BTBD7: variants seen among roughly 807,000 people sequenced by gnomAD.
BTBD7 encodes the protein BTB domain containing 7.
BTBD7 carries 38 observed loss-of-function variants against 99.9 expected under a neutral mutation model. The ratio of observed to expected loss-of-function variants is 0.38; its 90% CI spans 0.29 to 0.50. The LOEUF is 0.50. Ranked by LOEUF, BTBD7 falls within the 20% of genes least tolerant of loss-of-function variation. BTBD7 has a pLI of 0.93. For missense variants in BTBD7, 1,170 were observed against 1,394.6 expected, an observed-to-expected ratio of 0.84 and a Z score of 2.57; for synonymous variants, 520 against 511.4, an observed-to-expected ratio of 1.02 and a Z score of -0.23.
intron 3 of BTBD7, among the ~76,000 whole-genome samples, chr14:93,283,453 TAG>T (rs2052743642): frequency 6.6e-6 from 1 of 152,246 alleles, no homozygotes; most frequent in Admixed American, 6.5e-5. Context: ...GTGCATATTT[TAG>T]AGATATCACT....
intron 3 of BTBD7, among the ~76,000 whole-genome samples, chr14:93,269,011 G>A (rs879730188): frequency 2.0e-5 from 3 of 151,914 alleles, no homozygotes; most frequent in African/African-American, 4.8e-5. Context: ...CGCCCGCCTC[G>A]GCCACCCAAA....
chr14:93,268,197 T>C (rs1029146037), intron 3 of BTBD7, among the ~76,000 whole-genome samples: 4 of 146,170 alleles, frequency 2.7e-5, no homozygotes, highest in Non-Finnish European at 5.9e-5. Flanking sequence ...TTAACTCCTC[T>C]GCATCTTTAA....
intron 1 of BTBD7, among the ~76,000 whole-genome samples, chr14:93,300,977 G>A (rs1295583951): frequency 6.6e-6 from 1 of 151,802 alleles, no homozygotes; most frequent in African/African-American, 2.4e-5. Context: ...CCTGAATTTC[G>A]CATTTTAAAC....
intron 10 of BTBD7, among the ~76,000 whole-genome samples, chr14:93,245,262 T>C (rs112901951): frequency 6.6e-6 from 1 of 152,316 alleles, no homozygotes; most frequent in African/African-American, 2.4e-5. Flanking sequence ...CTACTAGCCC[T>C]GGCTACTATG....
At chr14:93,325,337 TGACCTCAGGTGATCTGCCGACCTCA>T (rs2053318208) in intron 1 of BTBD7, among the ~76,000 whole-genome samples, 1 of 150,180 alleles carries the variant, frequency 6.7e-6, no homozygotes, top group Non-Finnish European at 1.5e-5. Context: ...CTTGAACTCC[TGACCTCAGGTGATCTGCCGACCTCA>T]GGTGATCCGC....
chr14:93,316,045 G>A (rs748896110), intron 1 of BTBD7, among the ~76,000 whole-genome samples: 12 of 149,576 alleles, frequency 8.0e-5, no homozygotes, highest in South Asian at 2.1e-4. Context: ...TCTGCCTCCC[G>A]GGTTCAAGCA....
chr14:93,297,597 T>C (rs1015201223), intron 1 of BTBD7, among the ~76,000 whole-genome samples: 1 of 152,200 alleles, frequency 6.6e-6, no homozygotes, highest in African/African-American at 2.4e-5. Flanking sequence ...GAACTAAAAT[T>C]ACCTCTATTA....
At chr14:93,307,637 T>C (rs2053087082) in intron 1 of BTBD7, among the ~76,000 whole-genome samples, 1 of 152,226 alleles carries the variant, frequency 6.6e-6, no homozygotes, top group South Asian at 2.1e-4. Context: ...ACATGTTTCA[T>C]ACTCTCATTT....
At chr14:93,275,137 C>G (rs1163313998) in intron 3 of BTBD7, among the ~76,000 whole-genome samples, 1 of 152,128 alleles carries the variant, frequency 6.6e-6, no homozygotes, top group African/African-American at 2.4e-5. Flanking sequence ...GGGATAGAAC[C>G]TACATATAAC....
At chr14:93,248,901 T>C (rs1322332950) in intron 8 of BTBD7, among the ~76,000 whole-genome samples, 1 of 152,214 alleles carries the variant, frequency 6.6e-6, no homozygotes, top group Non-Finnish European at 1.5e-5. Flanking sequence ...TAGTTTACAG[T>C]TCAAATACAA....
At chr14:93,257,429 C>T in intron 5 of BTBD7, 74 bp from the exon 6 acceptor site, 1 of 1,381,550 alleles carries the variant, frequency 7.2e-7, no homozygotes. Context: ...TTCTCTAGTA[C>T]ATACACTAAC....
Position 93,303,704 on chromosome 14 carries a change from C to T in BTBD7, c.-106-7547G>A, listed in dbSNP as rs1176780583. 2.0e-5 allele frequency among the ~76,000 whole-genome samples: 3 copies of T among 152,202 alleles called. No homozygotes were observed. The East Asian group carries it at 5.8e-4, about 29-fold the overall frequency. ...GCTGCACTGTGAAGACACAAATGGG[C>T]CTCTCCTACTCTGCCACCTTTACCC... On this transcript the variant is annotated intron_variant, in intron 1 of 10. Coordinates refer to ENST00000334746, the MANE Select transcript of BTBD7 (RefSeq NM_001002860.4).
At chr14:93,270,030 A>G (rs1595300051) in intron 3 of BTBD7, among the ~76,000 whole-genome samples, 1 of 152,214 alleles carries the variant, frequency 6.6e-6, no homozygotes, top group African/African-American at 2.4e-5. Context: ...TGAGGTTCTC[A>G]GATTGTTTCT....
At chr14:93,243,556 G>T (rs566066045) in intron 10 of BTBD7, among the ~76,000 whole-genome samples, 1 of 152,270 alleles carries the variant, frequency 6.6e-6, no homozygotes, top group Non-Finnish European at 1.5e-5. Flanking sequence ...CCAACCTTTT[G>T]AACAGAGATA....
In BTBD7 at chr14:93,246,502, G is replaced by T. The variant is rs573445752; in HGVS notation, c.2122-216C>A. On this transcript the variant is annotated intron_variant, in intron 9 of 10. Coordinates refer to ENST00000334746, the MANE Select transcript of BTBD7 (RefSeq NM_001002860.4). ...TGCAGCCTAGGACACAGCCATGAAA[G>T]AAAGCTGCTTGATCGAATGCTCCTC... 1.2e-4 allele frequency among the ~76,000 whole-genome samples: 19 copies of T among 152,356 alleles called. No homozygotes were observed. In the East Asian group the frequency reaches 3.7e-3, roughly 29 times the overall value.
chr14:93,291,970 T>C (rs2052861836), intron 3 of BTBD7, among the ~76,000 whole-genome samples: 1 of 152,172 alleles, frequency 6.6e-6, no homozygotes, highest in Admixed American at 6.5e-5. Context: ...GTGGATCACC[T>C]GAGGTTAGGA....
At position 93,266,691 on chromosome 14, in the gene BTBD7, A is replaced by G. The variant is rs1371847171; in HGVS notation, c.1163-2698T>C. On this transcript the variant is annotated intron_variant, in intron 3 of 10. Coordinates refer to ENST00000334746, the MANE Select transcript of BTBD7 (RefSeq NM_001002860.4). Reference sequence around the variant, plus strand: ...GGGATGGAGTATAAGGAACCCTGACACTGGAAAGGAACTAAGGTCAGAAGA... The same window carrying G: ...GGGATGGAGTATAAGGAACCCTGACGCTGGAAAGGAACTAAGGTCAGAAGA... 3.3e-5 allele frequency among the ~76,000 whole-genome samples: 5 copies of G among 152,228 alleles called. No individual in the cohort carries two copies. In the East Asian group the frequency reaches 7.7e-4, roughly 23 times the overall value.
chr14:93,296,733 T>C (rs2052932124), intron 1 of BTBD7, among the ~76,000 whole-genome samples: 1 of 152,172 alleles, frequency 6.6e-6, no homozygotes. Flanking sequence ...TATGGTAATT[T>C]TGAAAGAAGT....
At chr14:93,332,307 G>C (rs955910670) in intron 1 of BTBD7, 1 of 152,306 alleles carries the variant, frequency 6.6e-6, no homozygotes, top group Non-Finnish European at 1.5e-5. Flanking sequence ...AACTTACCCG[G>C]ACAATCTAAC....
Sources: allele counts gnomAD v4.1 joint callset (sites outside exome capture counted in the v4.1 genomes callset), GRCh38; gene constraint gnomAD v4.1.1; transcripts MANE v1.5; gene names NCBI Gene and HGNC (gene_info 2026-07-23, HGNC 2026-07-21).